Variants in SECTM1 observed in about 807,000 individuals in gnomAD.
The protein encoded by SECTM1 is secreted and transmembrane protein 1.
Under a neutral mutation model 18.1 loss-of-function variants are expected in SECTM1, and 10 were observed. The observed-to-expected ratio is 0.55, with a 90% CI of 0.34 to 0.94. The LOEUF (loss-of-function observed/expected upper bound fraction) is 0.94. SECTM1 is among the 40% of genes least tolerant of loss of function. The pLI is 0.02. For synonymous variants in SECTM1, 137 were observed against 139.2 expected (o/e 0.98, Z 0.11); for missense variants, 297 against 322.6 (o/e 0.92, Z 0.61).
chr17:82,324,930 A>G, intron 2 of SECTM1, 40 bp from the exon 3 acceptor site: 1 of 1,567,070 alleles, frequency 6.4e-7, no homozygotes, highest in African/African-American at 1.3e-5. Context: ...TCAGGGCTGG[A>G]CCTCAGGGCA....
Position 82,323,551 on chromosome 17 carries a change from G to C in SECTM1, c.404-540C>G, listed in dbSNP as rs535774247. On this transcript the variant is annotated intron_variant, in intron 3 of 4. Transcript: ENST00000269389. ...CCTGAGCTTTGCAGGAAAGGGAGGG[G>C]AGGGGTGGGGAGTGGGTTTGGTGAC... Among the ~76,000 whole-genome samples the C allele has an allele frequency of 2.4e-3, 364 of 151,250 alleles. 5 individuals carry two copies. Among genetic ancestry groups the C allele is most frequent in the African/African-American group, 8.5e-3 (349 of 41,182 alleles).
rs1271188060 is a variant in SECTM1, at chr17:82,326,976, C to CACCGCCCTCCACCCACGGCGGGACACG, written c.94+170_94+171insCGTGTCCCGCCGTGGGTGGAGGGCGGT. Among the ~76,000 whole-genome samples, 60 of 151,538 alleles carry CACCGCCCTCCACCCACGGCGGGACACG rather than the reference C, an allele frequency of 4.0e-4. 3 individuals carry two copies. The highest frequency in any genetic ancestry group is 3.4e-3 in the Middle Eastern group (1 of 294). On this transcript the variant is annotated intron_variant, in intron 2 of 4. Coordinates refer to ENST00000269389, the MANE Select transcript of SECTM1 (RefSeq NM_003004.3). This position sits in a 1 kb window ranked among gnomAD's most constrained non-coding sequence, Gnocchi z 4.3. ...CCACGGCGGGACACGGTCCACTCAC[C>CACCGCCCTCCACCCACGGCGGGACACG]GCCACCTGAGGCAGCCCAGCTCCAC...
Position 82,328,792 on chromosome 17 carries a change from G to A in SECTM1, c.-52-1500C>T, listed in dbSNP as rs2052168594. ...AACTCCACCTTCGAAGGCGGCTGGG[G>A]CAAGGGTTCGTGGCCAGGCTGCCCT... On this transcript the variant is annotated intron_variant, in intron 1 of 4. Transcript: ENST00000269389. The surrounding 1 kb of genome is among the most constrained non-coding windows in gnomAD (Gnocchi z 5.8). 6.6e-6 allele frequency among the ~76,000 whole-genome samples: 1 copy of A among 152,140 alleles called. No individual in the cohort carries two copies. Among genetic ancestry groups the A allele is most frequent in the Admixed American group, 6.5e-5 (1 of 15,268 alleles).
At chr17:82,322,509 TG>T (rs1599651969) in intron 4 of SECTM1, 139 bp from the exon 5 acceptor site, 2 of 867,272 alleles carry the variant, frequency 2.3e-6, no homozygotes, top group African/African-American at 1.7e-5. Context: ...AGCCCTCGCC[TG>T]GGTTCTGAAA....
rs1466097277 is a variant in SECTM1, at chr17:82,326,992, C to G, written c.94+155G>C. Among the ~76,000 whole-genome samples, 1 of 151,052 alleles carries G rather than the reference C, an allele frequency of 6.6e-6. No individual in the cohort carries two copies. Among genetic ancestry groups the G allele is most frequent in the Non-Finnish European group, 1.5e-5 (1 of 67,714 alleles). On this transcript the variant is annotated intron_variant, in intron 2 of 4. Coordinates refer to ENST00000269389, the MANE Select transcript of SECTM1 (RefSeq NM_003004.3). This position sits in a 1 kb window ranked among gnomAD's most constrained non-coding sequence, Gnocchi z 4.3. ...TCCACTCACCGCCACCTGAGGCAGCCCAGCTCCACATGGTCAGGCCCTGGG... is the reference window on the plus strand; with the variant it reads ...TCCACTCACCGCCACCTGAGGCAGCGCAGCTCCACATGGTCAGGCCCTGGG...
rs780091503 is a variant in SECTM1 at position 82,329,938 on chromosome 17, C to T, written c.-52-2646G>A. On this transcript the variant is annotated intron_variant, in intron 1 of 4. Coordinates refer to ENST00000269389, the MANE Select transcript of SECTM1 (RefSeq NM_003004.3). The surrounding 1 kb of genome is among the most constrained non-coding windows in gnomAD (Gnocchi z 7.6). ...CCCAGCTCAGCACCCGAGGCTTCAT[C>T]CCATCTGCATAGTCTCTTTGCCATG... Among the ~76,000 whole-genome samples the T allele has an allele frequency of 3.3e-5, 5 of 152,184 alleles. No homozygotes were observed. In the East Asian group the frequency reaches 9.6e-4, roughly 29 times the overall value.
rs950577197 is a variant in SECTM1, at chr17:82,328,913, C to T, written c.-52-1621G>A. Among the ~76,000 whole-genome samples the T allele has an allele frequency of 1.3e-5, 2 of 152,202 alleles. No homozygotes were observed. Among genetic ancestry groups the T allele is most frequent in the East Asian group, 3.9e-4 (2 of 5,192 alleles). On this transcript the variant is annotated intron_variant, in intron 1 of 4. Coordinates refer to ENST00000269389, the MANE Select transcript of SECTM1 (RefSeq NM_003004.3). This position sits in a 1 kb window ranked among gnomAD's most constrained non-coding sequence, Gnocchi z 5.8. ...CCAGCTCCCAGTGCAGCCCACACGC[C>T]GGAGTGCAGATGACCTGCAGGGAAC... is the stretch of plus-strand genomic sequence containing the variant.
rs2052108174 is a variant in SECTM1 at position 82,322,897 on chromosome 17, C to T, written c.518G>A (p.Cys173Tyr). The part of the protein sequence containing the change: ...LVMFAWYRCR[C>Y]SQQRREKKFF... ...TCCTACCTCCCGGCGTTGCTGGGAA[C>T]AGCGGCACCTGTACCAGGCGAACAT... The change falls in exon 4 of 5, where the codon TGT becomes TAT. Residue 173 changes from cysteine to tyrosine, a missense_variant. By Grantham distance (194) the Cys-to-Tyr change is radical (BLOSUM62 -2). Coordinates refer to ENST00000269389, the MANE Select transcript of SECTM1 (RefSeq NM_003004.3). 3 of 1,613,698 alleles carry T rather than the reference C, an allele frequency of 1.9e-6. No homozygotes were observed. The highest frequency in any genetic ancestry group is 2.7e-5 in the African/African-American group (2 of 74,900).
intron 2 of SECTM1, 62 bp downstream of exon 2, chr17:82,327,085 C>T: frequency 1.5e-6 from 2 of 1,319,314 alleles, no homozygotes; most frequent in Non-Finnish European, 2.1e-6. Flanking sequence ...CCCCTCCTGC[C>T]CCTGTCATGC....
intron 1 of SECTM1, 21 bp from the exon 2 acceptor site, chr17:82,327,313 G>A (rs909708541): frequency 1.7e-5 from 23 of 1,366,314 alleles, no homozygotes; most frequent in Non-Finnish European, 2.1e-5. Context: ...GAAAGCCCAT[G>A]GGTCAGAGCC....
chr17:82,322,398 G>A, intron 4 of SECTM1, 28 bp from the exon 5 acceptor site: 1 of 1,606,662 alleles, frequency 6.2e-7, no homozygotes, highest in African/African-American at 1.3e-5. Context: ...AGGTGCCTGT[G>A]TGAGCCGCGC....
Position 82,333,710 on chromosome 17 carries a change from C to G in SECTM1, c.-63G>C, listed in dbSNP as rs1392943669. On this transcript the variant is annotated 5_prime_UTR_variant, in exon 1 of 5. Coordinates refer to ENST00000269389, the MANE Select transcript of SECTM1 (RefSeq NM_003004.3). ...CTCTCCGCGCCTCACCGGGTCCGCTCCTGGACGCGCTCCTCTGGGATGCAG... is the reference window on the plus strand; with the variant it reads ...CTCTCCGCGCCTCACCGGGTCCGCTGCTGGACGCGCTCCTCTGGGATGCAG... 2 of 129,776 alleles carry G rather than the reference C, an allele frequency of 1.5e-5. No individual in the cohort carries two copies. Among genetic ancestry groups the G allele is most frequent in the African/African-American group, 5.3e-5 (2 of 37,836 alleles). The allele number at this position is 129,776 out of a possible 1,614,324, so 8.0% of individuals were successfully genotyped here. A position where few individuals can be genotyped will look rare whatever the true frequency, so the allele number is the denominator to read the frequency against.
intron 4 of SECTM1, 85 bp downstream of exon 4, chr17:82,322,793 G>A (rs559864034): frequency 1.9e-5 from 29 of 1,507,172 alleles, no homozygotes; most frequent in South Asian, 7.5e-5. Context: ...CCCAGCAGGT[G>A]CAGGACAGTA....
In SECTM1 at chr17:82,330,472, G is replaced by A. The variant is rs567843982; in HGVS notation, c.-52-3180C>T. ...CACCCAGGTGCTGGCTCTGCCACCC[G>A]TCTGTGTCCTGAGTCAGCCCTGACT... is the stretch of plus-strand genomic sequence containing the variant. On this transcript the variant is annotated intron_variant, in intron 1 of 4. Coordinates refer to ENST00000269389, the MANE Select transcript of SECTM1 (RefSeq NM_003004.3). This position sits in a 1 kb window ranked among gnomAD's most constrained non-coding sequence, Gnocchi z 6.1. Among the ~76,000 whole-genome samples the A allele has an allele frequency of 1.3e-5, 2 of 152,202 alleles. No individual in the cohort carries two copies. Among genetic ancestry groups the A allele is most frequent in the African/African-American group, 4.8e-5 (2 of 41,524 alleles).
chr17:82,325,024 C>G lies in SECTM1; in HGVS notation c.95-134G>C. 1.3e-6 allele frequency: 1 copy of G among 745,740 alleles called. No individual in the cohort carries two copies. Among genetic ancestry groups the G allele is most frequent in the South Asian group, 1.9e-5 (1 of 53,674 alleles). The allele number at this position is 745,740 out of a possible 1,614,324, so 46.2% of individuals were successfully genotyped here. On this transcript the variant is annotated intron_variant, in intron 2 of 4. Transcript: ENST00000269389. The surrounding 1 kb of genome is among the most constrained non-coding windows in gnomAD (Gnocchi z 7.6). ...CACAGTGAACTATGTATACATCCAC[C>G]CGACCCAATCAGCACATATATCTCG...
At position 82,325,183 on chromosome 17, in the gene SECTM1, C is replaced by T. The variant is rs1344755691; in HGVS notation, c.95-293G>A. Among the ~76,000 whole-genome samples, 5 of 152,222 alleles carry T rather than the reference C, an allele frequency of 3.3e-5. No individual in the cohort carries two copies. Among genetic ancestry groups the T allele is most frequent in the African/African-American group, 9.6e-5 (4 of 41,452 alleles). ...GGACGAAGGCATTTCCTATCAACTC[C>T]CTCCCCTGTATATTTCCACTGGGGT... On this transcript the variant is annotated intron_variant, in intron 2 of 4. Transcript: ENST00000269389. The surrounding 1 kb of genome is among the most constrained non-coding windows in gnomAD (Gnocchi z 7.6).
chr17:82,323,244 G>A, intron 3 of SECTM1: 1 of 552,346 alleles, frequency 1.8e-6, no homozygotes, highest in Non-Finnish European at 3.2e-6. Context: ...GGGGCAGCGA[G>A]GGAAACATCT....
In SECTM1 at chr17:82,321,516, G is replaced by A. The variant is rs1599650923; in HGVS notation, c.*645C>T. ...ACGAGGGAGCGACCCCCGGGTGGCCGAGGGACTGAGGGATGCGCGTCCAGC... is the reference window on the plus strand; with the variant it reads ...ACGAGGGAGCGACCCCCGGGTGGCCAAGGGACTGAGGGATGCGCGTCCAGC... On this transcript the variant is annotated 3_prime_UTR_variant, in exon 5 of 5. Transcript: ENST00000269389. 6.5e-6 allele frequency: 1 copy of A among 152,876 alleles called. No homozygotes were observed. The highest frequency in any genetic ancestry group is 1.9e-4 in the South Asian group (1 of 5,224). 9.5% of individuals were successfully genotyped at this position (152,876 alleles called of 1,614,324 possible). A position where few individuals can be genotyped will look rare whatever the true frequency, so the allele number is the denominator to read the frequency against.
At chr17:82,327,099 C>T in intron 2 of SECTM1, 48 bp downstream of exon 2, 2 of 1,459,700 alleles carry the variant, frequency 1.4e-6, no homozygotes, top group Non-Finnish European at 1.9e-6. Flanking sequence ...GTCATGCCCC[C>T]ACCGGGCCCC....
Sources: allele counts gnomAD v4.1 joint callset (sites outside exome capture counted in the v4.1 genomes callset), GRCh38; gene constraint gnomAD v4.1.1; non-coding constraint Gnocchi (gnomAD v3.1); transcripts MANE v1.5; gene names NCBI Gene and HGNC (gene_info 2026-07-23, HGNC 2026-07-21).